The following TSC22D1 variants were observed in gnomAD, a reference collection of about 807,000 sequenced individuals.
The protein encoded by TSC22D1 is TSC22 domain family member 1.
A neutral mutation model predicts 74.2 loss-of-function variants in TSC22D1; 9 were observed. The ratio of observed to expected loss-of-function variants is 0.12; its 90% CI spans 0.07 to 0.21. The LOEUF is 0.21. Among genes scored for constraint, TSC22D1 ranks in the 10% least tolerant of loss-of-function variants. TSC22D1 has a pLI of 1.00. For missense variants in TSC22D1, 1,427 were observed against 1,304.7 expected (o/e 1.09, Z -1.44); for synonymous variants, 586 against 492.5 (o/e 1.19, Z -2.51).
At chr13:44,438,371 T>G (rs1305187847) in intron 1 of TSC22D1, among the ~76,000 whole-genome samples, 1 of 152,180 alleles carries the variant, frequency 6.6e-6, no homozygotes, top group Admixed American at 6.5e-5. Context: ...TCAAGCAGCA[T>G]CCTTTTCTAA....
At chr13:44,516,477 C>T (rs1246038473) in intron 1 of TSC22D1, 2 of 242,068 alleles carry the variant, frequency 8.3e-6, no homozygotes, top group Non-Finnish European at 1.6e-5. Flanking sequence ...CACATGGTGG[C>T]CATCAGACAG....
At chr13:44,509,950 C>CAAAA in intron 1 of TSC22D1, among the ~76,000 whole-genome samples, 5 of 51,408 alleles carry the variant, frequency 9.7e-5, no homozygotes, top group African/African-American at 1.5e-4. Context: ...AGAAAATAAG[C>CAAAA]AAAAAAAAAA....
chr13:44,482,676 T>C (rs760522831), intron 1 of TSC22D1, among the ~76,000 whole-genome samples: 1 of 152,222 alleles, frequency 6.6e-6, no homozygotes, highest in East Asian at 1.9e-4. Context: ...CTAAATGATA[T>C]GCAGAAACAA....
intron 1 of TSC22D1, among the ~76,000 whole-genome samples, chr13:44,494,304 A>C (rs1878857582): frequency 7.5e-6 from 1 of 132,592 alleles, no homozygotes; most frequent in Admixed American, 8.8e-5. Flanking sequence ...TGAACCCAAG[A>C]GGTGGAGGTT....
intron 1 of TSC22D1, among the ~76,000 whole-genome samples, chr13:44,560,003 G>A (rs1314035893): frequency 6.6e-6 from 1 of 151,880 alleles, no homozygotes; most frequent in Non-Finnish European, 1.5e-5. Context: ...CTAAAAATTA[G>A]TTTAATATTA....
At chr13:44,472,606 G>A (rs983847582) in intron 1 of TSC22D1, among the ~76,000 whole-genome samples, 3 of 152,060 alleles carry the variant, frequency 2.0e-5, no homozygotes, top group African/African-American at 2.4e-5. Flanking sequence ...ACTTGAGTCC[G>A]GGAATTTGAG....
chr13:44,433,858 C>A lies in TSC22D1; in HGVS notation c.*768G>T. Reference sequence around the variant, plus strand: ...GTCATGTAGCAGTTTTTATGTAGATCTATATATAAAAGTCCACACCTCCTC... The same window carrying A: ...GTCATGTAGCAGTTTTTATGTAGATATATATATAAAAGTCCACACCTCCTC... On this transcript the variant is annotated 3_prime_UTR_variant, in exon 3 of 3. Coordinates refer to ENST00000458659, the MANE Select transcript of TSC22D1 (RefSeq NM_183422.4). 1.1e-6 allele frequency: 1 copy of A among 880,878 alleles called. No homozygotes were observed. The highest frequency in any genetic ancestry group is 1.6e-6 in the Non-Finnish European group (1 of 620,194). The allele number at this position is 880,878 out of a possible 1,614,324, so 54.6% of individuals were successfully genotyped here.
Position 44,433,991 on chromosome 13 carries a change from A to G in TSC22D1, c.*635T>C, listed in dbSNP as rs970098981. The G allele has an allele frequency of 1.4e-5, 21 of 1,534,520 alleles. No individual in the cohort carries two copies. The highest frequency in any genetic ancestry group is 1.7e-4 in the Middle Eastern group (1 of 5,998). ...TACATACACAAATATACAATAAGCA[A>G]AACAACCTTCATGGTAAGATAGCCT... On this transcript the variant is annotated 3_prime_UTR_variant, in exon 3 of 3. Coordinates refer to ENST00000458659, the MANE Select transcript of TSC22D1 (RefSeq NM_183422.4).
chr13:44,573,239 G>C lies in TSC22D1; in HGVS notation c.2836C>G (p.Leu946Val). ...GGGAAAAGAGAAGCAGAGGCTGCTA[G>C]GCTGCTGCTACTCCCATCTGAAACT... ...SAVSDGSSSS[L>V]AASASLFPLK... Residue 946 changes from leucine (L) to valine (V), a missense_variant, in exon 1 of 3, where the codon CTA becomes GTA. Leu to Val is a conservative substitution (Grantham distance 32). Transcript: ENST00000458659. 1 of 1,614,222 alleles carries C rather than the reference G, an allele frequency of 6.2e-7. No homozygotes were observed.
At chr13:44,451,573 A>T (rs1876135691) in intron 1 of TSC22D1, 1 of 152,266 alleles carries the variant, frequency 6.6e-6, no homozygotes, top group South Asian at 2.1e-4. Flanking sequence ...CTAGTAAGGA[A>T]GCCTGCTACC....
chr13:44,575,619 CGAA>C lies in TSC22D1; in HGVS notation c.453_455del (p.Ser152del), dbSNP rs766493256. 2.5e-6 allele frequency: 4 copies of C among 1,614,104 alleles called. No homozygotes were observed. In the South Asian group the frequency reaches 4.4e-5, roughly 18 times the overall value. On this transcript the variant is annotated inframe_deletion, in exon 1 of 3. Transcript: ENST00000458659. ...TGGAAAGTGACACATCAAGGATCTC[CGAA>C]GAAGAGAGATCTTCCGTGTGAGATT... is the stretch of plus-strand genomic sequence containing the variant.
rs1227989045 is a variant in TSC22D1 at position 44,574,588 on chromosome 13, A to T, written c.1487T>A (p.Val496Glu). Residue 496 changes from valine (V) to glutamate (E), a missense_variant, in exon 1 of 3, where the codon GTG becomes GAG. By Grantham distance (121) the Val-to-Glu change is moderately radical. Around this residue, in one of 3 missense-constraint regions of TSC22D1, gnomAD observed 1,343 missense variants for 1,191.5 expected, o/e 1.13. Transcript: ENST00000458659. ...TTGTTGTTGCTGCTGCTGCTGCTGC[A>T]CCACCACAGTAGGGGCTCCCATCTC... ...SGEMGAPTVV[V>E]QQQQQQQQQQ... The T allele has an allele frequency of 1.9e-6, 3 of 1,613,882 alleles. No homozygotes were observed. Among genetic ancestry groups the T allele is most frequent in the Middle Eastern group, 1.7e-4 (1 of 6,060 alleles).
chr13:44,564,023 T>C (rs1206733814), intron 1 of TSC22D1, among the ~76,000 whole-genome samples: 4 of 152,220 alleles, frequency 2.6e-5, no homozygotes, highest in Non-Finnish European at 4.4e-5. Flanking sequence ...GCATTGGTTT[T>C]TTTGGCTCAC....
intron 1 of TSC22D1, among the ~76,000 whole-genome samples, chr13:44,470,525 T>C (rs1190990751): frequency 6.6e-6 from 1 of 152,216 alleles, no homozygotes; most frequent in Non-Finnish European, 1.5e-5. Context: ...TTAAAGTTGC[T>C]CCATGAGCAG....
At chr13:44,468,375 A>T (rs1381746782) in intron 1 of TSC22D1, among the ~76,000 whole-genome samples, 5 of 131,548 alleles carry the variant, frequency 3.8e-5, no homozygotes, top group Non-Finnish European at 5.4e-5. Context: ...AAGCTATTGA[A>T]TTTTTTTTTT....
At chr13:44,436,508 T>G (rs1471943653) in intron 1 of TSC22D1, 1 of 1,613,520 alleles carries the variant, frequency 6.2e-7, no homozygotes, top group Non-Finnish European at 8.5e-7. Flanking sequence ...ATTTACCTAT[T>G]ATCAAGTCTC....
chr13:44,534,060 C>G (rs59567111), intron 1 of TSC22D1, among the ~76,000 whole-genome samples: 1 of 151,906 alleles, frequency 6.6e-6, no homozygotes, highest in Non-Finnish European at 1.5e-5. Flanking sequence ...AACTCCATCT[C>G]TGCAAAAACA....
In TSC22D1 at chr13:44,575,937, G is replaced by A. The variant is rs1192964951; in HGVS notation, c.138C>T (p.Thr46=). The A allele has an allele frequency of 2.5e-6, 4 of 1,611,684 alleles. No homozygotes were observed. The highest frequency in any genetic ancestry group is 1.7e-5 in the Admixed American group (1 of 59,656). Residue 46 remains threonine, a synonymous_variant, in exon 1 of 3, where the codon ACC becomes ACT. Transcript: ENST00000458659. ...GSASALNAAG[T]GVGSNATSSE... is the part of the protein sequence containing the mutation. ...AAGATGTGGCATTACTACCGACGCCGGTACCTGCTGCATTGAGAGCAGAGG... is the reference window on the plus strand; with the variant it reads ...AAGATGTGGCATTACTACCGACGCCAGTACCTGCTGCATTGAGAGCAGAGG...
intron 1 of TSC22D1, among the ~76,000 whole-genome samples, chr13:44,438,323 AACAC>A (rs993812755): frequency 1.3e-5 from 2 of 152,212 alleles, no homozygotes; most frequent in Non-Finnish European, 2.9e-5. Flanking sequence ...CACATGCACA[AACAC>A]ACACAGTCTT....
Sources: gnomAD v4.1 joint callset for allele counts (sites outside exome capture counted in the v4.1 genomes callset) on GRCh38, gnomAD v4.1.1 for gene constraint, gnomAD v4.1.1 regional missense constraint, MANE v1.5 for transcripts, NCBI Gene and HGNC (gene_info 2026-07-23, HGNC 2026-07-21) for gene names.